The following EYA4 variants were observed in gnomAD, a reference collection of about 807,000 sequenced individuals.
The protein encoded by EYA4 is protein phosphatase EYA4.
In EYA4, 31 loss-of-function variants were observed where a neutral mutation model predicts 87.9. The ratio of observed to expected loss-of-function variants is 0.35; its 90% CI spans 0.27 to 0.48. The LOEUF is 0.48. Among genes scored for constraint, EYA4 ranks in the 20% least tolerant of loss-of-function variants. EYA4 has a pLI of 0.99. For missense variants in EYA4, 678 were observed against 761.4 expected (o/e 0.89, Z 1.29); for synonymous variants, 263 against 270.6 (o/e 0.97, Z 0.28).
chr6:133,251,284 G>A (rs1774879266), intron 1 of EYA4, among the ~76,000 whole-genome samples: 1 of 152,042 alleles, frequency 6.6e-6, no homozygotes, highest in African/African-American at 2.4e-5. Context: ...TACCAATTAT[G>A]AGAATTTGTA....
intron 2 of EYA4, among the ~76,000 whole-genome samples, chr6:133,301,961 G>A (rs989169874): frequency 6.6e-6 from 1 of 152,196 alleles, no homozygotes; most frequent in Non-Finnish European, 1.5e-5. Flanking sequence ...GAAGAGAGAG[G>A]AAGTATCAGG....
intron 14 of EYA4, 172 bp downstream of exon 14, chr6:133,506,367 T>C (rs1798622001): frequency 1.8e-6 from 1 of 553,230 alleles, no homozygotes; most frequent in Non-Finnish European, 3.2e-6. Flanking sequence ...AGAAAGTTAA[T>C]TTGTGTTCAT....
chr6:133,491,275 A>G (rs1054320999), intron 13 of EYA4, among the ~76,000 whole-genome samples: 1 of 152,126 alleles, frequency 6.6e-6, no homozygotes, highest in Non-Finnish European at 1.5e-5. Flanking sequence ...CAAATAAACC[A>G]CCTAATGATG....
chr6:133,323,146 A>AT (rs1300410002), intron 2 of EYA4, among the ~76,000 whole-genome samples: 4 of 151,672 alleles, frequency 2.6e-5, no homozygotes, highest in Admixed American at 2.0e-4. Context: ...CAGGCTTTAA[A>AT]TTTTTTTATT....
chr6:133,449,869 A>G (rs1438581921), intron 5 of EYA4, among the ~76,000 whole-genome samples: 1 of 152,256 alleles, frequency 6.6e-6, no homozygotes, highest in Non-Finnish European at 1.5e-5. Context: ...AGTTGCATTT[A>G]GAAATGTGTA....
chr6:133,373,457 T>C (rs948006546), intron 2 of EYA4, among the ~76,000 whole-genome samples: 1 of 152,078 alleles, frequency 6.6e-6, no homozygotes, highest in African/African-American at 2.4e-5. Context: ...TTCATAAATA[T>C]TCATTTTAAT....
Position 133,531,321 on chromosome 6 carries a change from G to C in EYA4, c.*2516G>C. 1.1e-6 allele frequency: 1 copy of C among 895,156 alleles called. No homozygotes were observed. Among genetic ancestry groups the C allele is most frequent in the Non-Finnish European group, 1.8e-6 (1 of 567,542 alleles). The allele number at this position is 895,156 out of a possible 1,614,324, so 55.5% of individuals were successfully genotyped here. A position where few individuals can be genotyped will look rare whatever the true frequency, so the allele number is the denominator to read the frequency against. On this transcript the variant is annotated 3_prime_UTR_variant, in exon 20 of 20. Transcript: ENST00000355286. ...TCACAGCTTGGCCATGGGACGTTGA[G>C]TATGCACAAACTAGAACTCTTCCCT... is the stretch of plus-strand genomic sequence containing the variant.
chr6:133,248,729 A>G (rs1176655224), intron 1 of EYA4: 2 of 152,194 alleles, frequency 1.3e-5, no homozygotes, highest in Non-Finnish European at 2.9e-5. Context: ...TTCTTGCTAA[A>G]TTTAATGACG....
At chr6:133,258,110 C>T (rs928449051) in intron 1 of EYA4, among the ~76,000 whole-genome samples, 2 of 152,124 alleles carry the variant, frequency 1.3e-5, no homozygotes, top group African/African-American at 4.8e-5. Flanking sequence ...TGTCTATGGG[C>T]AGCACCTGAA....
At chr6:133,428,668 G>C (rs1298017185) in intron 3 of EYA4, among the ~76,000 whole-genome samples, 1 of 151,952 alleles carries the variant, frequency 6.6e-6, no homozygotes, top group East Asian at 1.9e-4. Context: ...TTCTCCTCTG[G>C]GGATAGAATG....
Position 133,390,241 on chromosome 6 carries a change from A to G in EYA4, c.83+7800A>G, listed in dbSNP as rs530017559. On this transcript the variant is annotated intron_variant, in intron 3 of 19. Coordinates refer to ENST00000355286, the MANE Select transcript of EYA4 (RefSeq NM_004100.5). Reference sequence around the variant, plus strand: ...CTTATTTTTATTTTTATTTTTTGAGACAGACTTTCGCTGTGTCACCCAGAC... The same window carrying G: ...CTTATTTTTATTTTTATTTTTTGAGGCAGACTTTCGCTGTGTCACCCAGAC... Among the ~76,000 whole-genome samples, 22 of 152,020 alleles carry G rather than the reference A, an allele frequency of 1.4e-4. No individual in the cohort carries two copies. In the South Asian group the frequency reaches 4.2e-3, roughly 29 times the overall value.
At chr6:133,461,372 G>C (rs772769960) in intron 7 of EYA4, among the ~76,000 whole-genome samples, 192 bp downstream of exon 7, 1 of 152,070 alleles carries the variant, frequency 6.6e-6, no homozygotes, top group Non-Finnish European at 1.5e-5. Context: ...AAAATATCAA[G>C]CTCAAATTAG....
chr6:133,307,366 T>G (rs1418953196), intron 2 of EYA4, among the ~76,000 whole-genome samples: 1 of 152,234 alleles, frequency 6.6e-6, no homozygotes, highest in Non-Finnish European at 1.5e-5. Flanking sequence ...TTTAAAAGCT[T>G]CAGCAGAAAT....
intron 1 of EYA4, among the ~76,000 whole-genome samples, chr6:133,251,110 T>C (rs1774863743): frequency 6.6e-6 from 1 of 152,194 alleles, no homozygotes; most frequent in African/African-American, 2.4e-5. Flanking sequence ...TGCAGTAATA[T>C]TTCTTTTAGT....
intron 13 of EYA4, among the ~76,000 whole-genome samples, chr6:133,486,547 A>C (rs1395839032): frequency 6.8e-6 from 1 of 146,968 alleles, no homozygotes; most frequent in Non-Finnish European, 1.5e-5. Context: ...CCAAACAAAA[A>C]ACAAAACAAA....
chr6:133,442,712 G>A (rs547090882), intron 3 of EYA4, among the ~76,000 whole-genome samples: 1 of 152,216 alleles, frequency 6.6e-6, no homozygotes, highest in African/African-American at 2.4e-5. Context: ...TTGTGGTGAA[G>A]TAGGAAAAGC....
At chr6:133,408,235 G>A (rs573729736) in intron 3 of EYA4, among the ~76,000 whole-genome samples, 1 of 152,248 alleles carries the variant, frequency 6.6e-6, no homozygotes, top group South Asian at 2.1e-4. Flanking sequence ...CCTGGCTGAA[G>A]GTCTCAGTGA....
chr6:133,394,282 GTGTTTTTTTT>G (rs1490003814), intron 3 of EYA4, among the ~76,000 whole-genome samples: 13 of 107,844 alleles, frequency 1.2e-4, no homozygotes, highest in African/African-American at 4.8e-4. Flanking sequence ...ATATAAGCTT[GTGTTTTTTTT>G]TTTTTTTTTT....
intron 2 of EYA4, among the ~76,000 whole-genome samples, chr6:133,306,110 T>G (rs2027210): frequency 0.47 from 71,492 of 152,002 alleles, 17,176 homozygotes; most frequent in Non-Finnish European, 0.53. Flanking sequence ...ATGCTTCTGG[T>G]TCCTTTTCTG....
Sources: gnomAD v4.1 joint callset for allele counts (sites outside exome capture counted in the v4.1 genomes callset) on GRCh38, gnomAD v4.1.1 for gene constraint, MANE v1.5 for transcripts, NCBI Gene and HGNC (gene_info 2026-07-23, HGNC 2026-07-21) for gene names.